The following GSG1L variants were observed in gnomAD, a reference collection of about 807,000 sequenced individuals.
The protein encoded by GSG1L is GSG1 like, also known as germ cell-specific gene 1-like protein.
Under a neutral mutation model 42.1 loss-of-function variants are expected in GSG1L, and 24 were observed. That is an observed-to-expected ratio of 0.57 (90% CI 0.41 to 0.80). GSG1L has a LOEUF of 0.80. Among genes scored for constraint, GSG1L ranks in the 30% least tolerant of loss-of-function variants. The pLI is 0.00. For missense variants in GSG1L, 445 were observed against 472.2 expected, an observed-to-expected ratio of 0.94 and a Z score of 0.53; for synonymous variants, 215 against 203.5, an observed-to-expected ratio of 1.06 and a Z score of -0.48.
chr16:28,042,702 G>A lies in GSG1L; in HGVS notation c.349+20374C>T, dbSNP rs545245315. Reference sequence around the variant, plus strand: ...GGGGACAATTCTACCACCTGAAAAAGAGGAAGGATATACTCAAGGTAGACA... The same window carrying A: ...GGGGACAATTCTACCACCTGAAAAAAAGGAAGGATATACTCAAGGTAGACA... On this transcript the variant is annotated intron_variant, in intron 1 of 6. Coordinates refer to ENST00000447459, the MANE Select transcript of GSG1L (RefSeq NM_001109763.2). Among the ~76,000 whole-genome samples the A allele has an allele frequency of 1.5e-3, 232 of 152,310 alleles. 1 individual carries two copies. The highest frequency in any genetic ancestry group is 0.012 in the South Asian group (60 of 4,834).
intron 2 of GSG1L, among the ~76,000 whole-genome samples, chr16:27,893,062 T>G (rs535629569): frequency 1.3e-5 from 2 of 152,052 alleles, no homozygotes; most frequent in African/African-American, 4.8e-5. Flanking sequence ...GCCTCCATAA[T>G]GGTGGGGATG....
intron 2 of GSG1L, among the ~76,000 whole-genome samples, chr16:27,916,804 C>G (rs1238961805): frequency 6.6e-6 from 1 of 151,906 alleles, no homozygotes; most frequent in Non-Finnish European, 1.5e-5. Context: ...TTGCTTAGGA[C>G]ACGATGTGAT....
At chr16:27,981,532 C>A (rs982425621) in intron 1 of GSG1L, among the ~76,000 whole-genome samples, 1 of 152,158 alleles carries the variant, frequency 6.6e-6, no homozygotes. Context: ...GAGGCCTCTG[C>A]CAGTTCAACT....
At chr16:27,970,592 G>C (rs2085184397) in intron 1 of GSG1L, among the ~76,000 whole-genome samples, 1 of 151,188 alleles carries the variant, frequency 6.6e-6, no homozygotes, top group Non-Finnish European at 1.5e-5. Context: ...AATAGAGATG[G>C]GGTCTCACTA....
chr16:27,961,248 A>G (rs1397985858), intron 2 of GSG1L, among the ~76,000 whole-genome samples: 2 of 152,200 alleles, frequency 1.3e-5, no homozygotes, highest in Non-Finnish European at 2.9e-5. Flanking sequence ...CCACTCATGC[A>G]CATGCACACT....
intron 3 of GSG1L, among the ~76,000 whole-genome samples, chr16:27,872,571 G>A (rs1462066497): frequency 6.6e-6 from 1 of 152,178 alleles, no homozygotes; most frequent in Non-Finnish European, 1.5e-5. Context: ...GGCCGTCCAA[G>A]TCACAGCATG....
At chr16:27,946,617 G>A (rs377243092) in intron 2 of GSG1L, among the ~76,000 whole-genome samples, 4,602 of 28,524 alleles carry the variant, frequency 0.16, 298 homozygotes, top group South Asian at 0.3. Context: ...GAGAGAGAGA[G>A]AGAGAGAGAG....
intron 2 of GSG1L, among the ~76,000 whole-genome samples, chr16:27,962,652 C>T (rs2085082840): frequency 1.3e-5 from 2 of 152,210 alleles, no homozygotes; most frequent in Non-Finnish European, 2.9e-5. Context: ...CTGCCTTGCA[C>T]ACCTCTGGAC....
chr16:27,948,505 C>G (rs2084912034), intron 2 of GSG1L, among the ~76,000 whole-genome samples: 1 of 152,044 alleles, frequency 6.6e-6, no homozygotes. Flanking sequence ...TCCCAAGTGG[C>G]TGGGATTACA....
At chr16:28,006,327 A>ATTT (rs61452207) in intron 1 of GSG1L, among the ~76,000 whole-genome samples, 2 of 150,476 alleles carry the variant, frequency 1.3e-5, no homozygotes, top group African/African-American at 4.9e-5. Context: ...TTATTTATTT[A>ATTT]AGACAGAGTC....
At chr16:27,823,726 G>A in intron 5 of GSG1L, 1 of 625,358 alleles carries the variant, frequency 1.6e-6, no homozygotes. Context: ...CCTCAGCCAT[G>A]GGACTCCCTT....
At chr16:28,025,138 T>C (rs1383495431) in intron 1 of GSG1L, among the ~76,000 whole-genome samples, 4 of 152,164 alleles carry the variant, frequency 2.6e-5, no homozygotes, top group African/African-American at 9.7e-5. Context: ...GGCTCAGCAG[T>C]AGCCTGCATG....
At chr16:28,015,964 G>A (rs2085775413) in intron 1 of GSG1L, among the ~76,000 whole-genome samples, 1 of 152,132 alleles carries the variant, frequency 6.6e-6, no homozygotes, top group Admixed American at 6.6e-5. Flanking sequence ...TAGGCCAGTG[G>A]CAAAGGCTAC....
At chr16:28,008,527 T>C (rs941757504) in intron 1 of GSG1L, among the ~76,000 whole-genome samples, 1 of 152,158 alleles carries the variant, frequency 6.6e-6, no homozygotes, top group Non-Finnish European at 1.5e-5. Flanking sequence ...GTCCAGACCA[T>C]TGCAGCAGCC....
At chr16:28,058,850 T>C (rs1461880082) in intron 1 of GSG1L, among the ~76,000 whole-genome samples, 2 of 152,016 alleles carry the variant, frequency 1.3e-5, no homozygotes, top group Non-Finnish European at 2.9e-5. Context: ...GGTTCTCTGT[T>C]CAAAATAAAG....
At chr16:27,966,654 C>T (rs1246215746) in intron 1 of GSG1L, among the ~76,000 whole-genome samples, 1 of 152,124 alleles carries the variant, frequency 6.6e-6, no homozygotes, top group Non-Finnish European at 1.5e-5. Context: ...TCCCTGATGC[C>T]ACGGACACAG....
chr16:28,026,945 G>A (rs1227091081), intron 1 of GSG1L, among the ~76,000 whole-genome samples: 1 of 152,132 alleles, frequency 6.6e-6, no homozygotes, highest in African/African-American at 2.4e-5. Context: ...AGCCGGGCAT[G>A]GTGGTGCACA....
At chr16:28,039,057 A>T (rs1302086119) in intron 1 of GSG1L, among the ~76,000 whole-genome samples, 3 of 152,310 alleles carry the variant, frequency 2.0e-5, no homozygotes, top group East Asian at 1.9e-4. Flanking sequence ...TCATCCTGGG[A>T]TCTTTTTCTA....
At chr16:27,792,738 C>A (rs751665247) in intron 6 of GSG1L, among the ~76,000 whole-genome samples, 1 of 152,128 alleles carries the variant, frequency 6.6e-6, no homozygotes, top group African/African-American at 2.4e-5. Flanking sequence ...AATGTATGCA[C>A]CCCTGTGGAC....
Sources: allele counts gnomAD v4.1 joint callset (sites outside exome capture counted in the v4.1 genomes callset), GRCh38; gene constraint gnomAD v4.1.1; transcripts MANE v1.5; gene names NCBI Gene and HGNC (gene_info 2026-07-23, HGNC 2026-07-21).